Variants in BICD1 observed in about 807,000 individuals in gnomAD.
BICD1 encodes the protein BICD cargo adaptor 1.
BICD1 carries 35 observed loss-of-function variants against 92.5 expected under a neutral mutation model. The ratio of observed to expected loss-of-function variants is 0.38; its 90% CI spans 0.29 to 0.50. BICD1 has a LOEUF of 0.50. BICD1 is among the 20% of genes least tolerant of loss of function. BICD1 has a pLI of 0.93. For missense variants in BICD1, 950 were observed against 1,189.8 expected (o/e 0.80, Z 2.97); for synonymous variants, 429 against 465.1 (o/e 0.92, Z 1.00).
chr12:32,269,246 T>C (rs1404046427), intron 2 of BICD1, among the ~76,000 whole-genome samples: 1 of 152,210 alleles, frequency 6.6e-6, no homozygotes, highest in East Asian at 1.9e-4. Flanking sequence ...GTTTAAAAGA[T>C]AATATTGGAA....
In BICD1 at chr12:32,329,105, A is replaced by AT. The variant is rs796080702; in HGVS notation, c.2100+556dup. ...GTATAGCAAAATTATTATTATTATT[A>AT]TTTTTTATTTTTGTTTTGAGACAGA... On this transcript the variant is annotated intron_variant, in intron 5 of 9. Coordinates refer to ENST00000652176, the MANE Select transcript of BICD1 (RefSeq NM_001714.4). 8.8e-4 allele frequency among the ~76,000 whole-genome samples: 133 copies of AT among 151,942 alleles called. 1 individual carries two copies. The highest frequency in any genetic ancestry group is 1.4e-3 in the East Asian group (7 of 5,158).
intron 2 of BICD1, among the ~76,000 whole-genome samples, chr12:32,275,181 C>T (rs865980898): frequency 6.6e-6 from 1 of 152,208 alleles, no homozygotes; most frequent in Middle Eastern, 3.4e-3. Context: ...GTAAATTACA[C>T]GTATAAATAA....
chr12:32,135,128 A>G (rs1037746187), intron 1 of BICD1, among the ~76,000 whole-genome samples: 13 of 126,350 alleles, frequency 1.0e-4, no homozygotes, highest in Non-Finnish European at 1.7e-4. Flanking sequence ...TCACTGTGTC[A>G]CCCAGGCTGG....
chr12:32,116,508 C>CTATATATATA (rs772917101), intron 1 of BICD1, among the ~76,000 whole-genome samples: 102 of 94,162 alleles, frequency 1.1e-3, no homozygotes, highest in East Asian at 3.0e-3. Context: ...CTCTCTCTCT[C>CTATATATATA]TCTATATATA....
At chr12:32,266,873 A>T (rs1947012418) in intron 2 of BICD1, among the ~76,000 whole-genome samples, 1 of 151,654 alleles carries the variant, frequency 6.6e-6, no homozygotes, top group African/African-American at 2.4e-5. Context: ...AAAAAAAAAA[A>T]TTTAGAATGA....
intron 1 of BICD1, among the ~76,000 whole-genome samples, chr12:32,193,456 CTTGTTTTA>C (rs1160027051): frequency 1.3e-5 from 2 of 152,160 alleles, no homozygotes; most frequent in Non-Finnish European, 2.9e-5. Flanking sequence ...ATGGATGTGA[CTTGTTTTA>C]TTGTGGTATT....
At chr12:32,189,250 T>C (rs2121529356) in intron 1 of BICD1, among the ~76,000 whole-genome samples, 1 of 152,302 alleles carries the variant, frequency 6.6e-6, no homozygotes. Context: ...CCATGACATT[T>C]AAATTCTATT....
chr12:32,274,435 T>TA (rs976668868), intron 2 of BICD1, among the ~76,000 whole-genome samples: 5 of 152,186 alleles, frequency 3.3e-5, no homozygotes, highest in African/African-American at 1.2e-4. Flanking sequence ...GTTTTCTACT[T>TA]ATGAAAGTTA....
intron 4 of BICD1, among the ~76,000 whole-genome samples, chr12:32,325,048 C>T (rs575691112): frequency 1.8e-4 from 28 of 152,126 alleles, no homozygotes; most frequent in East Asian, 1.2e-3. Flanking sequence ...CAGGGTTTCA[C>T]TATGTTGCCT....
In BICD1 at chr12:32,350,675, T is replaced by G. The variant is rs1938827999; in HGVS notation, c.2764+11696T>G. 1.3e-5 allele frequency among the ~76,000 whole-genome samples: 2 copies of G among 152,212 alleles called. 1 individual carries two copies. The highest frequency in any genetic ancestry group is 1.3e-4 in the Admixed American group (2 of 15,272). ...TCTTGCATATCTCTGTGTTCTGTCC[T>G]CCACACACCCATCTCTTTAGTCATC... On this transcript the variant is annotated intron_variant, in intron 8 of 9. Coordinates refer to ENST00000652176, the MANE Select transcript of BICD1 (RefSeq NM_001714.4).
intron 2 of BICD1, among the ~76,000 whole-genome samples, chr12:32,276,539 C>T (rs933109741): frequency 2.0e-5 from 3 of 152,158 alleles, no homozygotes; most frequent in African/African-American, 7.2e-5. Flanking sequence ...TGCCTGAGAG[C>T]ACAGCGGGAG....
chr12:32,255,432 A>C (rs895474683), intron 2 of BICD1, among the ~76,000 whole-genome samples: 3 of 152,186 alleles, frequency 2.0e-5, no homozygotes, highest in Admixed American at 6.5e-5. Context: ...ATCCATGCCA[A>C]AATCTTACCT....
intron 1 of BICD1, among the ~76,000 whole-genome samples, chr12:32,186,465 T>G (rs1205602516): frequency 6.6e-6 from 1 of 152,194 alleles, no homozygotes; most frequent in Non-Finnish European, 1.5e-5. Flanking sequence ...TTATAAATCT[T>G]TCCACTGTCT....
At chr12:32,317,780 C>T (rs895391656) in intron 4 of BICD1, among the ~76,000 whole-genome samples, 9 of 152,082 alleles carry the variant, frequency 5.9e-5, no homozygotes, top group African/African-American at 2.2e-4. Flanking sequence ...ACATGAAGTC[C>T]TTGCCCGTGC....
At chr12:32,208,886 G>A (rs1447330735) in intron 1 of BICD1, among the ~76,000 whole-genome samples, 1 of 151,792 alleles carries the variant, frequency 6.6e-6, no homozygotes, top group African/African-American at 2.4e-5. Context: ...GTGCAGTGGT[G>A]CAATCTCAGC....
In BICD1 at chr12:32,338,940, C is replaced by T. The variant is rs764562180; in HGVS notation, c.2725C>T (p.Arg909Trp). ...CATGAGTGAATTCATCCAAGGGCAC[C>T]GGCTCAGCAAGGAAAAAAGGTTAAC... ...PSMSEFIQGH[R>W]LSKEKRLTVA... Residue 909 changes from arginine (R) to tryptophan (W), a missense_variant, in exon 8 of 10, where the codon CGG becomes TGG. This residue lies in a region of BICD1 where 179 missense variants were observed against 186.7 expected (regional missense o/e 0.96). Transcript: ENST00000652176. The T allele has an allele frequency of 9.3e-6, 15 of 1,606,424 alleles. No homozygotes were observed. The highest frequency in any genetic ancestry group is 3.3e-5 in the South Asian group (3 of 89,572).
chr12:32,286,004 T>G (rs1285631205), intron 2 of BICD1, among the ~76,000 whole-genome samples: 3 of 152,214 alleles, frequency 2.0e-5, no homozygotes, highest in Non-Finnish European at 4.4e-5. Context: ...CCAGTTTTCT[T>G]CCTCTGGGCC....
intron 3 of BICD1, among the ~76,000 whole-genome samples, chr12:32,304,624 T>G (rs1379469009): frequency 1.3e-5 from 2 of 152,236 alleles, no homozygotes; most frequent in Non-Finnish European, 2.9e-5. Flanking sequence ...AGGAGGCATG[T>G]CGGCTCAGAG....
At chr12:32,210,804 C>T (rs1031221598) in intron 1 of BICD1, among the ~76,000 whole-genome samples, 1 of 152,214 alleles carries the variant, frequency 6.6e-6, no homozygotes, top group African/African-American at 2.4e-5. Flanking sequence ...AGCACGACTA[C>T]CCTATATCTC....
Sources: gnomAD v4.1 joint callset for allele counts (sites outside exome capture counted in the v4.1 genomes callset) on GRCh38, gnomAD v4.1.1 for gene constraint, gnomAD v4.1.1 regional missense constraint, MANE v1.5 for transcripts, NCBI Gene and HGNC (gene_info 2026-07-23, HGNC 2026-07-21) for gene names.